ZNF420: variants seen among roughly 807,000 people sequenced by gnomAD.
ZNF420 encodes the protein ATM and p53-associated KZNF protein.
A neutral mutation model predicts 44.7 loss-of-function variants in ZNF420; 31 were observed. That is an observed-to-expected ratio of 0.69 (90% CI 0.52 to 0.94). The LOEUF is 0.94. ZNF420 is among the 40% of genes least tolerant of loss of function. The pLI is 0.00. For synonymous variants in ZNF420, 245 were observed against 267.4 expected (o/e 0.92, Z 0.82); for missense variants, 681 against 827.9 (o/e 0.82, Z 2.18).
chr19:37,045,556 G>C (rs962669225), intron 1 of ZNF420, among the ~76,000 whole-genome samples: 3 of 152,216 alleles, frequency 2.0e-5, no homozygotes, highest in Non-Finnish European at 4.4e-5. Flanking sequence ...AGAGGAGCCT[G>C]GAGAGGCAGT....
intron 1 of ZNF420, among the ~76,000 whole-genome samples, chr19:37,027,088 G>T (rs1468504232): frequency 6.6e-6 from 1 of 152,046 alleles, no homozygotes; most frequent in Non-Finnish European, 1.5e-5. Context: ...TTCAACATTT[G>T]GAATTTACCA....
intron 1 of ZNF420, among the ~76,000 whole-genome samples, chr19:37,052,862 G>A (rs1967665639): frequency 6.6e-6 from 1 of 152,112 alleles, no homozygotes; most frequent in South Asian, 2.1e-4. Context: ...TTCTCGAGGA[G>A]TATCTTTGTG....
At chr19:37,076,113 G>T (rs1440703443), upstream of ZNF420, among the ~76,000 whole-genome samples, 1 of 151,764 alleles carries the variant, frequency 6.6e-6, no homozygotes, top group Non-Finnish European at 1.5e-5. Context: ...TAATATACAA[G>T]AAGCCCATCC....
At chr19:37,029,260 G>A (rs1001926677) in intron 1 of ZNF420, among the ~76,000 whole-genome samples, 5 of 152,210 alleles carry the variant, frequency 3.3e-5, no homozygotes, top group Admixed American at 2.6e-4. Flanking sequence ...CAGAAGTCCT[G>A]TGTCTCCTTA....
intron 3 of ZNF420, among the ~76,000 whole-genome samples, 167 bp from the exon 4 acceptor site, chr19:37,090,828 G>T (rs1364143589): frequency 6.6e-6 from 1 of 150,726 alleles, no homozygotes; most frequent in Admixed American, 6.6e-5. Context: ...GCTGAGGCAG[G>T]AGAATTGCTT....
chr19:37,016,121 T>C (rs1025504064), intron 1 of ZNF420, among the ~76,000 whole-genome samples: 1 of 152,250 alleles, frequency 6.6e-6, no homozygotes, highest in Non-Finnish European at 1.5e-5. Flanking sequence ...GGGAAACTTT[T>C]GGTCCTCCTA....
At chr19:37,115,764 G>C (rs1159395398) in intron 4 of ZNF420, among the ~76,000 whole-genome samples, 1 of 151,798 alleles carries the variant, frequency 6.6e-6, no homozygotes, top group Non-Finnish European at 1.5e-5. Flanking sequence ...TGGGCTGGGG[G>C]GCGGTCAGGT....
rs1568485207 is a variant in ZNF420 at position 37,129,098 on chromosome 19, G to A, written c.*40G>A. On this transcript the variant is annotated 3_prime_UTR_variant, in exon 5 of 5. Coordinates refer to ENST00000337995, the MANE Select transcript of ZNF420 (RefSeq NM_144689.5). Reference sequence around the variant, plus strand: ...TGAGATCACTATGAAGAGGTTCTCTGGTTGTTAGCAGCAAAGAATTCTCAC... The same window carrying A: ...TGAGATCACTATGAAGAGGTTCTCTAGTTGTTAGCAGCAAAGAATTCTCAC... 1.3e-6 allele frequency: 2 copies of A among 1,565,926 alleles called. No individual in the cohort carries two copies. The highest frequency in any genetic ancestry group is 2.3e-5 in the East Asian group (1 of 44,256).
intron 3 of ZNF420, 128 bp downstream of exon 3, chr19:37,089,255 C>A: frequency 1.2e-6 from 1 of 820,928 alleles, no homozygotes. Flanking sequence ...CAGTTTGTCC[C>A]ATTCTGATAA....
At chr19:37,036,172 C>T (rs774351263) in intron 1 of ZNF420, among the ~76,000 whole-genome samples, 1 of 152,104 alleles carries the variant, frequency 6.6e-6, no homozygotes, top group Non-Finnish European at 1.5e-5. Flanking sequence ...TTCAATAGCA[C>T]AGTAGCATGA....
chr19:37,079,383 G>GCC (rs1182419449), intron 1 of ZNF420, among the ~76,000 whole-genome samples: 1 of 152,174 alleles, frequency 6.6e-6, no homozygotes, highest in Non-Finnish European at 1.5e-5. Flanking sequence ...GCTGAGGTCT[G>GCC]CCTATGGATT....
At chr19:37,016,535 A>G (rs1405100539) in intron 1 of ZNF420, among the ~76,000 whole-genome samples, 1 of 152,146 alleles carries the variant, frequency 6.6e-6, no homozygotes, top group African/African-American at 2.4e-5. Context: ...CATTGGGAGC[A>G]TGCCCGGACA....
chr19:37,058,783 G>A (rs1282169391), intron 1 of ZNF420, among the ~76,000 whole-genome samples: 1 of 152,140 alleles, frequency 6.6e-6, no homozygotes, highest in Non-Finnish European at 1.5e-5. Context: ...CACCCAATCT[G>A]CTCTTAGGGA....
intron 4 of ZNF420, among the ~76,000 whole-genome samples, chr19:37,118,869 A>G (rs1176581648): frequency 6.7e-6 from 1 of 150,374 alleles, no homozygotes; most frequent in East Asian, 2.1e-4. Context: ...AAAAGAGACA[A>G]AGAAGGCCAT....
At chr19:37,068,940 A>C (rs1198422881) in intron 1 of ZNF420, among the ~76,000 whole-genome samples, 1 of 152,182 alleles carries the variant, frequency 6.6e-6, no homozygotes, top group African/African-American at 2.4e-5. Context: ...GTTACTAAAA[A>C]TACACACTAT....
chr19:37,040,226 C>T (rs1967428892), intron 1 of ZNF420, among the ~76,000 whole-genome samples: 2 of 152,326 alleles, frequency 1.3e-5, no homozygotes, highest in South Asian at 4.1e-4. Flanking sequence ...CTTCATCTTG[C>T]ACTATTATAT....
At position 37,130,006 on chromosome 19, in the gene ZNF420, T is replaced by C. The variant is rs1314119158; in HGVS notation, c.*948T>C. On this transcript the variant is annotated 3_prime_UTR_variant, in exon 5 of 5. Transcript: ENST00000337995. Reference sequence around the variant, plus strand: ...TACCCTATATCTATTTTCTCTTTTTTAGTAACAAATTTCTGGGCTGAAAAT... The same window carrying C: ...TACCCTATATCTATTTTCTCTTTTTCAGTAACAAATTTCTGGGCTGAAAAT... 4 of 1,515,352 alleles carry C rather than the reference T, an allele frequency of 2.6e-6. No homozygotes were observed. Among genetic ancestry groups the C allele is most frequent in the Non-Finnish European group, 3.5e-6 (4 of 1,130,360 alleles). The allele number at this position is 1,515,352 out of a possible 1,614,324, so 93.9% of individuals were successfully genotyped here. A position where few individuals can be genotyped will look rare whatever the true frequency, so the allele number is the denominator to read the frequency against.
At chr19:37,105,535 A>AGTCATTG (rs1423037303) in intron 4 of ZNF420, among the ~76,000 whole-genome samples, 83 of 152,270 alleles carry the variant, frequency 5.5e-4, no homozygotes, top group Non-Finnish European at 1.1e-3. Flanking sequence ...CTGTGAAGAA[A>AGTCATTG]GTCATTGGTA....
chr19:37,060,409 G>A (rs1317703490), intron 1 of ZNF420, among the ~76,000 whole-genome samples: 1 of 152,156 alleles, frequency 6.6e-6, no homozygotes, highest in Non-Finnish European at 1.5e-5. Context: ...CCCTCAGCCC[G>A]TGGCGGTGGC....
Sources: gnomAD v4.1 joint callset for allele counts (sites outside exome capture counted in the v4.1 genomes callset) on GRCh38, gnomAD v4.1.1 for gene constraint, MANE v1.5 for transcripts, NCBI Gene and HGNC (gene_info 2026-07-23, HGNC 2026-07-21) for gene names.